PARP11: variants seen among roughly 807,000 people sequenced by gnomAD.
The protein encoded by PARP11 is poly(ADP-ribose) polymerase family member 11.
In PARP11, 31 loss-of-function variants were observed where a neutral mutation model predicts 42.9. The observed-to-expected ratio is 0.72, with a 90% CI of 0.54 to 0.98. The LOEUF (loss-of-function observed/expected upper bound fraction) is 0.98, where lower values mean the gene tolerates loss of function less well. Ranked by LOEUF, PARP11 falls within the 50% of genes least tolerant of loss-of-function variation. The probability of loss-of-function intolerance (pLI) is 0.00; values close to 1 mark genes in which losing one functional copy is unlikely to be tolerated. For synonymous variants in PARP11, 137 were observed against 127.3 expected (o/e 1.08, Z -0.51); for missense variants, 365 against 413.1 (o/e 0.88, Z 1.01).
chr12:3,826,278 G>A lies in PARP11; in HGVS notation c.269-45C>T, dbSNP rs535721255. 6 of 1,327,622 alleles carry A rather than the reference G, an allele frequency of 4.5e-6. No homozygotes were observed. In the African/African-American group the frequency reaches 7.4e-5, roughly 16 times the overall value. The allele number at this position is 1,327,622 out of a possible 1,614,324, so 82.2% of individuals were successfully genotyped here. A position where few individuals can be genotyped will look rare whatever the true frequency, so the allele number is the denominator to read the frequency against. ...ATTAGATAAGTCATAAAAGTACACTGTACTATAAAGTGTCATGAAGATTAA... is the reference window on the plus strand; with the variant it reads ...ATTAGATAAGTCATAAAAGTACACTATACTATAAAGTGTCATGAAGATTAA... On this transcript the variant is annotated intron_variant, in intron 3 of 7. Transcript: ENST00000228820.
At position 3,811,886 on chromosome 12, in the gene PARP11, T is replaced by C. The variant is rs1487554485; in HGVS notation, c.*237A>G. ...TTTTGAATGGTATCTTTCACCCCTA[T>C]GTGTTAAAACATCAATGATATCAAC... On this transcript the variant is annotated 3_prime_UTR_variant, in exon 8 of 8. Coordinates refer to ENST00000228820, the MANE Select transcript of PARP11 (RefSeq NM_020367.6). 1.2e-5 allele frequency: 6 copies of C among 482,724 alleles called. No individual in the cohort carries two copies. The Admixed American group carries it at 2.3e-4, about 18-fold the overall frequency. The allele number at this position is 482,724 out of a possible 1,614,324, so 29.9% of individuals were successfully genotyped here.
At chr12:3,865,659 C>T (rs992177175) in intron 1 of PARP11, among the ~76,000 whole-genome samples, 1 of 152,072 alleles carries the variant, frequency 6.6e-6, no homozygotes, top group Non-Finnish European at 1.5e-5. Context: ...CAACAATAAA[C>T]CACTCACACT....
In PARP11 at chr12:3,812,138, C is replaced by CA; in HGVS notation, c.1001dup (p.Leu334PhefsTer31). ...GGAAGTGAAATCAATGAAAGTCTATCAAGTACTCAGGATAGATTTGGTTGG... is the reference window on the plus strand; with the variant it reads ...GGAAGTGAAATCAATGAAAGTCTATCAAAGTACTCAGGATAGATTTGGTTGG... On this transcript the variant is annotated frameshift_variant, in exon 8 of 8. Transcript: ENST00000228820. LOFTEE classifies it high-confidence loss of function. 1 of 1,608,532 alleles carries CA rather than the reference C, an allele frequency of 6.2e-7. No homozygotes were observed. The highest frequency in any genetic ancestry group is 1.3e-5 in the African/African-American group (1 of 74,638).
intron 4 of PARP11, among the ~76,000 whole-genome samples, chr12:3,823,673 T>C (rs1009703916): frequency 2.6e-5 from 4 of 152,146 alleles, no homozygotes; most frequent in African/African-American, 4.8e-5. Flanking sequence ...CCCAACACTT[T>C]GGGAGGCAGA....
chr12:3,838,901 T>G (rs1308413390), intron 1 of PARP11, among the ~76,000 whole-genome samples: 2 of 152,094 alleles, frequency 1.3e-5, no homozygotes, highest in African/African-American at 4.8e-5. Flanking sequence ...CGTGCGCGCC[T>G]GGGGCGGGGC....
intron 1 of PARP11, among the ~76,000 whole-genome samples, chr12:3,857,558 G>A (rs921711747): frequency 6.6e-6 from 1 of 151,872 alleles, no homozygotes; most frequent in Admixed American, 6.6e-5. Context: ...ACATATAAGT[G>A]TAAACTTGCT....
At chr12:3,832,406 G>A (rs1591772793) in intron 1 of PARP11, among the ~76,000 whole-genome samples, 1 of 152,222 alleles carries the variant, frequency 6.6e-6, no homozygotes, top group Non-Finnish European at 1.5e-5. Flanking sequence ...GAATATTAAA[G>A]CAACACCTAA....
chr12:3,825,420 A>G (rs990849263), intron 4 of PARP11, among the ~76,000 whole-genome samples: 7 of 152,194 alleles, frequency 4.6e-5, no homozygotes, highest in African/African-American at 1.7e-4. Flanking sequence ...AATTACTTCT[A>G]GGAGTTGACC....
At chr12:3,867,944 T>A (rs1167980004) in intron 1 of PARP11, among the ~76,000 whole-genome samples, 102 of 152,358 alleles carry the variant, frequency 6.7e-4, no homozygotes, top group African/African-American at 2.3e-3. Flanking sequence ...TTGACCTTGA[T>A]ATTCCTAAAC....
intron 1 of PARP11, among the ~76,000 whole-genome samples, chr12:3,863,020 G>A (rs928287995): frequency 8.6e-5 from 13 of 151,988 alleles, no homozygotes; most frequent in East Asian, 3.9e-4. Flanking sequence ...TATATCTTTC[G>A]ACTTATTTAG....
intron 1 of PARP11, chr12:3,842,181 G>C (rs1947903170): frequency 5.6e-6 from 9 of 1,611,296 alleles, no homozygotes; most frequent in Non-Finnish European, 5.9e-6. Flanking sequence ...GACTGCTGCT[G>C]ATGTGGTCAG....
At chr12:3,835,959 A>G (rs1947752436) in intron 1 of PARP11, among the ~76,000 whole-genome samples, 1 of 152,072 alleles carries the variant, frequency 6.6e-6, no homozygotes, top group Non-Finnish European at 1.5e-5. Flanking sequence ...GAGGAGAGAG[A>G]AAAAGGCACA....
chr12:3,867,847 A>G (rs1275028517), intron 1 of PARP11, among the ~76,000 whole-genome samples: 1 of 152,212 alleles, frequency 6.6e-6, no homozygotes. Flanking sequence ...ATTCACCCTA[A>G]TATTACAGGC....
chr12:3,821,726 T>C, intron 6 of PARP11, 147 bp downstream of exon 6: 2 of 773,680 alleles, frequency 2.6e-6, no homozygotes, highest in Non-Finnish European at 4.1e-6. Context: ...TCCCTGAGAA[T>C]GCTGAAGAGC....
intron 4 of PARP11, among the ~76,000 whole-genome samples, chr12:3,825,819 C>T (rs900532214): frequency 3.3e-5 from 5 of 152,106 alleles, no homozygotes; most frequent in African/African-American, 9.7e-5. Flanking sequence ...CTCCGCCTCA[C>T]GGGTTCACAC....
chr12:3,812,585 A>G (rs1351117464), intron 7 of PARP11, 146 bp from the exon 8 acceptor site: 1 of 637,658 alleles, frequency 1.6e-6, no homozygotes, highest in African/African-American at 2.0e-5. Flanking sequence ...TCTTTAAGAG[A>G]AGAATAGAAA....
At chr12:3,852,689 A>T (rs1948118784) in intron 1 of PARP11, among the ~76,000 whole-genome samples, 1 of 152,248 alleles carries the variant, frequency 6.6e-6, no homozygotes, top group Non-Finnish European at 1.5e-5. Flanking sequence ...GGCGAATGGA[A>T]CCAAGCTAGA....
chr12:3,826,289 T>C (rs1947523352), intron 3 of PARP11, 56 bp from the exon 4 acceptor site: 1 of 1,278,730 alleles, frequency 7.8e-7, no homozygotes, highest in African/African-American at 1.5e-5. Context: ...TACTATAAAG[T>C]GTCATGAAGA....
chr12:3,839,397 G>C (rs1042421888), intron 1 of PARP11: 80 of 1,567,618 alleles, frequency 5.1e-5, no homozygotes, highest in Non-Finnish European at 6.3e-5. Context: ...TGCGGAAACT[G>C]GGCTTGTATC....
Sources: gnomAD v4.1 joint callset for allele counts (sites outside exome capture counted in the v4.1 genomes callset) on GRCh38, gnomAD v4.1.1 for gene constraint, MANE v1.5 for transcripts, NCBI Gene and HGNC (gene_info 2026-07-23, HGNC 2026-07-21) for gene names.